HERC4: variants seen among roughly 807,000 people sequenced by gnomAD.
HERC4 encodes probable E3 ubiquitin-protein ligase HERC4.
In HERC4, 28 loss-of-function variants were observed where a neutral mutation model predicts 124.3. That is an observed-to-expected ratio of 0.23 (90% CI 0.17 to 0.31). The LOEUF (loss-of-function observed/expected upper bound fraction) is 0.31. Among genes scored for constraint, HERC4 ranks in the 10% least tolerant of loss-of-function variants. HERC4 has a pLI of 1.00. For synonymous variants in HERC4, 407 were observed against 421.5 expected (o/e 0.97, Z 0.42); for missense variants, 713 against 1,229.3 (o/e 0.58, Z 6.28).
chr10:68,042,804 A>T (rs2039837536), intron 4 of HERC4, among the ~76,000 whole-genome samples: 1 of 152,198 alleles, frequency 6.6e-6, no homozygotes, highest in Non-Finnish European at 1.5e-5. Context: ...CCTTTTATAA[A>T]AAAACATTTC....
intron 7 of HERC4, 32 bp downstream of exon 7, chr10:68,032,746 G>T: frequency 9.4e-7 from 1 of 1,066,452 alleles, no homozygotes; most frequent in South Asian, 1.3e-5. Flanking sequence ...ACTATGATGA[G>T]TAATAATAAA....
Position 67,990,239 on chromosome 10 carries a change from G to T in HERC4, c.1605C>A (p.Asn535Lys), listed in dbSNP as rs35720011. Residue 535 changes from asparagine to lysine, a missense_variant, in exon 14 of 25, where the codon AAC becomes AAA. By Grantham distance (94) the Asn-to-Lys change is moderately conservative. Coordinates refer to ENST00000373700, the MANE Select transcript of HERC4 (RefSeq NM_015601.4). ...GTACTTTCAGTGGTGCCTTTTCTAG[G>T]TTCACAAGAGCTGTACCAAAGGGAA... The part of the protein sequence containing the change: ...IAIPFGTALV[N>K]LEKAPLKVLE... The T allele has an allele frequency of 1.2e-6, 2 of 1,608,554 alleles. No individual in the cohort carries two copies. The highest frequency in any genetic ancestry group is 2.2e-5 in the South Asian group (2 of 89,076).
intron 7 of HERC4, among the ~76,000 whole-genome samples, chr10:68,028,309 T>C (rs34163024): frequency 0.098 from 14,896 of 152,034 alleles, 811 homozygotes; most frequent in South Asian, 0.15. Flanking sequence ...AAGTTTTGCT[T>C]ATATTGATTT....
chr10:67,934,598 G>A (rs1313472402), intron 22 of HERC4, among the ~76,000 whole-genome samples: 1 of 151,948 alleles, frequency 6.6e-6, no homozygotes, highest in Admixed American at 6.6e-5. Flanking sequence ...CTGAGAAAAA[G>A]GCATCAGAAG....
intron 3 of HERC4, among the ~76,000 whole-genome samples, chr10:68,058,503 T>A (rs1326766444): frequency 2.0e-5 from 3 of 152,216 alleles, no homozygotes. Flanking sequence ...TAAATTTAAA[T>A]TCCCACTCTA....
At chr10:67,953,047 TA>T (rs2033909053) in intron 19 of HERC4, among the ~76,000 whole-genome samples, 1 of 152,144 alleles carries the variant, frequency 6.6e-6, no homozygotes, top group Non-Finnish European at 1.5e-5. Flanking sequence ...AATATATTGC[TA>T]TCTACATATA....
intron 15 of HERC4, among the ~76,000 whole-genome samples, chr10:67,970,460 C>A (rs887407459): frequency 6.6e-6 from 1 of 152,072 alleles, no homozygotes; most frequent in African/African-American, 2.4e-5. Flanking sequence ...GCCGTGGTGG[C>A]ACATGCCTGT....
At chr10:68,044,714 T>G in intron 3 of HERC4, 151 bp from the exon 4 acceptor site, 1 of 672,268 alleles carries the variant, frequency 1.5e-6, no homozygotes, top group Admixed American at 3.0e-5. Context: ...ACACTAGATA[T>G]AACCAGTTAT....
At chr10:67,956,832 T>G (rs2034171426) in intron 17 of HERC4, 46 bp downstream of exon 17, 1 of 1,230,746 alleles carries the variant, frequency 8.1e-7, no homozygotes, top group Non-Finnish European at 1.1e-6. Flanking sequence ...TCCAGAAACA[T>G]CAAAGAAACA....
intron 19 of HERC4, 48 bp from the exon 20 acceptor site, chr10:67,941,153 T>G: frequency 7.7e-7 from 1 of 1,298,344 alleles, no homozygotes; most frequent in Non-Finnish European, 1.0e-6. Context: ...GTTAAAATAT[T>G]AAATTTTCTA....
chr10:68,015,881 T>TC (rs1355612027), intron 8 of HERC4, among the ~76,000 whole-genome samples: 1 of 152,070 alleles, frequency 6.6e-6, no homozygotes, highest in Non-Finnish European at 1.5e-5. Context: ...GGCAGGTGGA[T>TC]CACTTGAGGT....
chr10:68,017,646 C>T (rs2038349620), intron 8 of HERC4, among the ~76,000 whole-genome samples: 1 of 152,126 alleles, frequency 6.6e-6, no homozygotes, highest in Admixed American at 6.6e-5. Flanking sequence ...GCCACCACAC[C>T]TAGCTAATTT....
intron 3 of HERC4, among the ~76,000 whole-genome samples, chr10:68,053,222 C>T (rs2040400098): frequency 6.6e-6 from 1 of 152,034 alleles, no homozygotes; most frequent in Admixed American, 6.6e-5. Flanking sequence ...CTGGTCAGAA[C>T]ATTTTTGTCA....
At chr10:68,069,769 A>G (rs145321131) in intron 3 of HERC4, 201 of 985,276 alleles carry the variant, frequency 2.0e-4, no homozygotes, top group East Asian at 1.6e-3. Context: ...TCAGCTGGGC[A>G]CGGTGGCTCA....
In HERC4 at chr10:68,034,084, C is replaced by T; in HGVS notation, c.566G>A (p.Gly189Glu). The T allele has an allele frequency of 6.2e-7, 1 of 1,614,100 alleles. No individual in the cohort carries two copies. The highest frequency in any genetic ancestry group is 1.1e-5 in the South Asian group (1 of 91,084). ...TSPQLLKSLLGIPFMQVAAGG... is the reference protein window; with the variant it reads ...TSPQLLKSLLEIPFMQVAAGG... ...TGCTGCAACTTGCATGAAAGGGATT[C>T]CAAGCAAAGACTTAAGCAGCTGCGG... The change falls in exon 6 of 25, where the codon GGA (glycine) becomes GAA (glutamate). Residue 189 changes from glycine (G) to glutamate (E), a missense_variant. Gly to Glu is a moderately conservative substitution (Grantham distance 98, BLOSUM62 -2). Coordinates refer to ENST00000373700, the MANE Select transcript of HERC4 (RefSeq NM_015601.4).
At chr10:67,992,717 T>C in intron 9 of HERC4, 35 bp from the exon 10 acceptor site, 1 of 1,059,290 alleles carries the variant, frequency 9.4e-7, no homozygotes, top group Non-Finnish European at 1.4e-6. Context: ...AAAGCCAAGA[T>C]TTACATAACA....
At chr10:68,020,411 G>A (rs1370853528) in intron 8 of HERC4, among the ~76,000 whole-genome samples, 3 of 151,174 alleles carry the variant, frequency 2.0e-5, no homozygotes, top group Non-Finnish European at 4.4e-5. Context: ...AGAGTAAGAC[G>A]TGTAAAAAGA....
At chr10:67,937,191 T>C (rs1030746644) in intron 21 of HERC4, among the ~76,000 whole-genome samples, 2 of 152,090 alleles carry the variant, frequency 1.3e-5, no homozygotes, top group Non-Finnish European at 2.9e-5. Flanking sequence ...TGAAAATGTA[T>C]GGCAAGTGGC....
intron 15 of HERC4, among the ~76,000 whole-genome samples, chr10:67,969,025 A>G (rs942890768): frequency 6.6e-5 from 10 of 152,256 alleles, no homozygotes; most frequent in Admixed American, 4.6e-4. Flanking sequence ...GTCTTCATAC[A>G]TTTAAAAGAA....
Sources: allele counts gnomAD v4.1 joint callset (sites outside exome capture counted in the v4.1 genomes callset), GRCh38; gene constraint gnomAD v4.1.1; transcripts MANE v1.5; gene names NCBI Gene and HGNC (gene_info 2026-07-23, HGNC 2026-07-21).